CNGB3: variants seen among roughly 807,000 people sequenced by gnomAD.
CNGB3 encodes the protein cyclic nucleotide-gated channel beta-3.
Under a neutral mutation model 92.8 loss-of-function variants are expected in CNGB3, and 86 were observed. The ratio of observed to expected loss-of-function variants is 0.93; its 90% CI spans 0.78 to 1.11. The LOEUF (loss-of-function observed/expected upper bound fraction) is 1.11, where lower values mean the gene tolerates loss of function less well. CNGB3 is among the 50% of genes least tolerant of loss of function. CNGB3 has a pLI of 0.00. For synonymous variants in CNGB3, 333 were observed against 332.7 expected, an observed-to-expected ratio of 1.00 and a Z score of -0.01; for missense variants, 1,026 against 956.8, an observed-to-expected ratio of 1.07 and a Z score of -0.95.
chr8:86,585,773 G>T (rs1488419431), intron 15 of CNGB3, among the ~76,000 whole-genome samples: 3 of 152,074 alleles, frequency 2.0e-5, no homozygotes, highest in African/African-American at 7.2e-5. Flanking sequence ...ATATTCTTGC[G>T]ATAGACACAA....
chr8:86,659,864 A>G, intron 6 of CNGB3: 1 of 426,018 alleles, frequency 2.3e-6, no homozygotes, highest in Non-Finnish European at 4.7e-6. Flanking sequence ...CCTTCAGGTT[A>G]GCAGATGATG....
At chr8:86,620,904 A>C (rs1280949102) in intron 13 of CNGB3, among the ~76,000 whole-genome samples, 1 of 129,858 alleles carries the variant, frequency 7.7e-6, no homozygotes, top group East Asian at 2.3e-4. Flanking sequence ...TTACAAAAAA[A>C]AAAGTTTTTT....
rs141160843 is a variant in CNGB3 at position 86,658,591 on chromosome 8, G to A, written c.853-4529C>T. The A allele has an allele frequency of 2.5e-3, 873 of 347,710 alleles. 2 individuals are homozygous for A. The highest frequency in any genetic ancestry group is 6.3e-3 in the Middle Eastern group (6 of 946). The allele number at this position is 347,710 out of a possible 1,614,324, so 21.5% of individuals were successfully genotyped here. A position where few individuals can be genotyped will look rare whatever the true frequency, so the allele number is the denominator to read the frequency against. ...ACCTGCTGATAGGTGGCCACATACT[G>A]CTGCAGGTGACCCAGGTACTGATCT... On this transcript the variant is annotated intron_variant, in intron 6 of 17. Coordinates refer to ENST00000320005, the MANE Select transcript of CNGB3 (RefSeq NM_019098.5).
intron 14 of CNGB3, among the ~76,000 whole-genome samples, chr8:86,606,051 G>T (rs1822405144): frequency 6.6e-6 from 1 of 151,988 alleles, no homozygotes; most frequent in South Asian, 2.1e-4. Flanking sequence ...AGCGAAGGAA[G>T]CCTAGAACCC....
intron 15 of CNGB3, chr8:86,594,304 G>A (rs1585956481): frequency 6.7e-6 from 2 of 298,058 alleles, no homozygotes; most frequent in East Asian, 1.1e-4. Flanking sequence ...GGAAGGAGTG[G>A]GAGAAGTCTA....
intron 5 of CNGB3, 30 bp downstream of exon 5, chr8:86,667,989 C>A: frequency 6.2e-7 from 1 of 1,613,274 alleles, no homozygotes; most frequent in South Asian, 1.1e-5. Flanking sequence ...GCCAGCCCTC[C>A]CACTATGATA....
intron 1 of CNGB3, among the ~76,000 whole-genome samples, chr8:86,740,707 TA>T (rs1024446330): frequency 5.3e-5 from 8 of 152,128 alleles, no homozygotes; most frequent in Non-Finnish European, 1.0e-4. Context: ...CATTTTAAAC[TA>T]AAAAATAAAT....
intron 17 of CNGB3, among the ~76,000 whole-genome samples, chr8:86,578,144 C>T (rs547894987): frequency 3.3e-5 from 5 of 152,202 alleles, no homozygotes; most frequent in African/African-American, 1.2e-4. Context: ...CTCCTGCCCT[C>T]GTGATCCGCC....
chr8:86,615,853 A>G (rs1368420479), intron 13 of CNGB3, among the ~76,000 whole-genome samples: 1 of 151,984 alleles, frequency 6.6e-6, no homozygotes, highest in Non-Finnish European at 1.5e-5. Flanking sequence ...TTAGGGAGGG[A>G]GGAAGGAGAA....
chr8:86,715,681 G>A (rs1824838963), intron 3 of CNGB3, among the ~76,000 whole-genome samples: 1 of 151,896 alleles, frequency 6.6e-6, no homozygotes, highest in Non-Finnish European at 1.5e-5. Context: ...AATTAAGAAG[G>A]TTGATTATTA....
chr8:86,666,714 C>G (rs534569985), intron 6 of CNGB3, among the ~76,000 whole-genome samples: 2 of 152,108 alleles, frequency 1.3e-5, no homozygotes, highest in Non-Finnish European at 2.9e-5. Flanking sequence ...TATGAGGAAA[C>G]TAAGGTACAG....
At chr8:86,593,099 T>C (rs1223028278) in intron 15 of CNGB3, among the ~76,000 whole-genome samples, 1 of 152,230 alleles carries the variant, frequency 6.6e-6, no homozygotes, top group East Asian at 1.9e-4. Flanking sequence ...TTTTGAGGAA[T>C]GTCTGCACAT....
rs1825293344 is a variant in CNGB3 at position 86,739,002 on chromosome 8, A to G, written c.211+653T>C. 2.0e-5 allele frequency among the ~76,000 whole-genome samples: 3 copies of G among 152,188 alleles called. 1 individual carries two copies. In the South Asian group the frequency reaches 6.2e-4, roughly 32 times the overall value. On this transcript the variant is annotated intron_variant, in intron 2 of 17. Coordinates refer to ENST00000320005, the MANE Select transcript of CNGB3 (RefSeq NM_019098.5). ...ATAGTACCAGGGGTAGAAGTAAATCAGGAGAGGGAGCGTATTTGTAGGAGA... is the reference window on the plus strand; with the variant it reads ...ATAGTACCAGGGGTAGAAGTAAATCGGGAGAGGGAGCGTATTTGTAGGAGA...
chr8:86,624,381 T>C (rs1316742135), intron 13 of CNGB3, among the ~76,000 whole-genome samples: 4 of 152,338 alleles, frequency 2.6e-5, no homozygotes, highest in Non-Finnish European at 5.9e-5. Flanking sequence ...ATTGTGTCAC[T>C]GTACTCCAGC....
intron 3 of CNGB3, among the ~76,000 whole-genome samples, chr8:86,699,307 T>C (rs1170371605): frequency 6.6e-6 from 1 of 152,064 alleles, no homozygotes; most frequent in African/African-American, 2.4e-5. Context: ...TATAAATTAA[T>C]TGGCCATAAC....
chr8:86,647,273 T>A (rs1457359026), intron 8 of CNGB3, among the ~76,000 whole-genome samples: 2 of 150,882 alleles, frequency 1.3e-5, no homozygotes, highest in African/African-American at 4.8e-5. Flanking sequence ...AACATTTGAG[T>A]TATATTCAAG....
intron 3 of CNGB3, among the ~76,000 whole-genome samples, chr8:86,685,504 C>T (rs992657795): frequency 2.0e-5 from 3 of 152,138 alleles, no homozygotes; most frequent in African/African-American, 7.2e-5. Flanking sequence ...CTTCCTCCCC[C>T]ACAAAGCTTA....
intron 3 of CNGB3, among the ~76,000 whole-genome samples, chr8:86,686,498 A>C (rs568202224): frequency 6.6e-6 from 1 of 152,278 alleles, no homozygotes; most frequent in South Asian, 2.1e-4. Context: ...AAGATATTAC[A>C]TCCTTAAAGT....
intron 15 of CNGB3, among the ~76,000 whole-genome samples, chr8:86,590,749 C>G (rs1006412581): frequency 2.1e-5 from 3 of 144,930 alleles, no homozygotes; most frequent in Non-Finnish European, 3.0e-5. Context: ...GTAACCCGAC[C>G]TTTCTCTCTG....
Sources: gnomAD v4.1 joint callset for allele counts (sites outside exome capture counted in the v4.1 genomes callset) on GRCh38, gnomAD v4.1.1 for gene constraint, MANE v1.5 for transcripts, NCBI Gene and HGNC (gene_info 2026-07-23, HGNC 2026-07-21) for gene names.